Variants in TRIP4 observed in about 807,000 individuals in gnomAD.
TRIP4 encodes the protein activating signal cointegrator 1.
TRIP4 carries 54 observed loss-of-function variants against 81.8 expected under a neutral mutation model. The observed-to-expected ratio is 0.66, with a 90% CI of 0.53 to 0.83. TRIP4 has a LOEUF of 0.83. TRIP4 is among the 40% of genes least tolerant of loss of function. TRIP4 has a pLI of 0.00. For synonymous variants in TRIP4, 270 were observed against 242.8 expected (o/e 1.11, Z -1.04); for missense variants, 662 against 683.6 (o/e 0.97, Z 0.35).
chr15:64,407,162 C>A (rs1294709116), intron 6 of TRIP4, among the ~76,000 whole-genome samples: 1 of 151,970 alleles, frequency 6.6e-6, no homozygotes, highest in Non-Finnish European at 1.5e-5. Flanking sequence ...TCAGAGAGAC[C>A]CTGAATCTCT....
intron 5 of TRIP4, 131 bp downstream of exon 5, chr15:64,400,952 T>TC (rs988455335): frequency 1.4e-6 from 1 of 725,140 alleles, no homozygotes; most frequent in African/African-American, 1.8e-5. Context: ...TTTGGGGGGT[T>TC]TTTTTTGTTT....
At chr15:64,444,315 G>T (rs1892576824) in intron 11 of TRIP4, among the ~76,000 whole-genome samples, 1 of 152,138 alleles carries the variant, frequency 6.6e-6, no homozygotes, top group Non-Finnish European at 1.5e-5. Flanking sequence ...TGATTGTGTA[G>T]CCAGCATAGT....
intron 4 of TRIP4, among the ~76,000 whole-genome samples, chr15:64,398,472 G>T (rs1470754168): frequency 6.6e-6 from 1 of 151,638 alleles, no homozygotes. Context: ...GCTGGGCTGG[G>T]TATGGTGGTG....
chr15:64,402,515 C>G (rs560862302), intron 5 of TRIP4, among the ~76,000 whole-genome samples: 2 of 138,144 alleles, frequency 1.4e-5, no homozygotes, highest in East Asian at 4.4e-4. Flanking sequence ...CCACCGCGCC[C>G]GGCCAACATT....
chr15:64,436,863 C>T (rs1399533942), intron 11 of TRIP4, among the ~76,000 whole-genome samples: 2 of 143,762 alleles, frequency 1.4e-5, no homozygotes, highest in Non-Finnish European at 3.0e-5. Context: ...TGTGTGCCAC[C>T]ACACCCAGCT....
intron 12 of TRIP4, among the ~76,000 whole-genome samples, chr15:64,448,534 A>G (rs1377962162): frequency 6.6e-6 from 1 of 152,094 alleles, no homozygotes; most frequent in Non-Finnish European, 1.5e-5. Flanking sequence ...CACAATCTCA[A>G]TTCACTGCAA....
chr15:64,424,234 T>C, intron 10 of TRIP4, 79 bp downstream of exon 10: 1 of 1,579,640 alleles, frequency 6.3e-7, no homozygotes, highest in Non-Finnish European at 8.6e-7. Flanking sequence ...ACTTCCTTCT[T>C]TCTTTGGCTT....
intron 4 of TRIP4, among the ~76,000 whole-genome samples, chr15:64,400,273 T>C (rs1891463021): frequency 6.7e-6 from 1 of 148,802 alleles, no homozygotes; most frequent in African/African-American, 2.5e-5. Flanking sequence ...CAAAACCCCA[T>C]ATCTACAAAG....
intron 1 of TRIP4, among the ~76,000 whole-genome samples, chr15:64,390,834 G>T (rs1353764213): frequency 2.0e-5 from 3 of 151,800 alleles, no homozygotes; most frequent in Non-Finnish European, 4.4e-5. Context: ...GGCAGAGGTT[G>T]CAGTGAGCCA....
intron 11 of TRIP4, among the ~76,000 whole-genome samples, chr15:64,433,032 C>T (rs1892312766): frequency 6.6e-6 from 1 of 152,084 alleles, no homozygotes; most frequent in African/African-American, 2.4e-5. Flanking sequence ...ATTCTGTCCT[C>T]AGATGTTTGA....
At chr15:64,443,675 G>A (rs1346852508) in intron 11 of TRIP4, among the ~76,000 whole-genome samples, 1 of 152,112 alleles carries the variant, frequency 6.6e-6, no homozygotes, top group Non-Finnish European at 1.5e-5. Flanking sequence ...CTTTTCTACC[G>A]TGAACATTTG....
At chr15:64,408,189 C>T (rs377361592) in intron 6 of TRIP4, among the ~76,000 whole-genome samples, 6 of 148,368 alleles carry the variant, frequency 4.0e-5, no homozygotes, top group South Asian at 2.1e-4. Context: ...CCGCCAGCCT[C>T]GGCCTCCCAA....
intron 11 of TRIP4, among the ~76,000 whole-genome samples, chr15:64,436,763 CTTTTTTTTTT>C (rs71133433): frequency 8.4e-4 from 18 of 21,420 alleles, no homozygotes; most frequent in South Asian, 7.0e-3. Flanking sequence ...CCATCTATGC[CTTTTTTTTTT>C]TTTTTTTTTT....
At chr15:64,391,970 CAA>C (rs35193532) in intron 1 of TRIP4, among the ~76,000 whole-genome samples, 378 of 23,182 alleles carry the variant, frequency 0.016, no homozygotes, top group African/African-American at 0.062. Flanking sequence ...GACTCTGTCT[CAA>C]AAAAAAAAAA....
At chr15:64,422,789 G>A (rs1892048271) in intron 9 of TRIP4, among the ~76,000 whole-genome samples, 1 of 152,182 alleles carries the variant, frequency 6.6e-6, no homozygotes, top group Admixed American at 6.6e-5. Context: ...CAGAAATAAA[G>A]TAGGTGGTTT....
At chr15:64,408,094 C>CA (rs750653412) in intron 6 of TRIP4, among the ~76,000 whole-genome samples, 7,857 of 98,598 alleles carry the variant, frequency 0.08, 465 homozygotes, top group South Asian at 0.32. Context: ...GAGATTGTCT[C>CA]AAAAAAAAAA....
At chr15:64,393,813 G>C in intron 1 of TRIP4, 133 bp from the exon 2 acceptor site, 1 of 745,318 alleles carries the variant, frequency 1.3e-6, no homozygotes, top group Middle Eastern at 3.6e-4. Context: ...CTAGCACCTA[G>C]CATAGTACTT....
At chr15:64,426,975 G>A (rs556093360) in intron 11 of TRIP4, among the ~76,000 whole-genome samples, 1 of 152,174 alleles carries the variant, frequency 6.6e-6, no homozygotes, top group South Asian at 2.1e-4. Context: ...GCTCCAGCCT[G>A]GGCAACAGAG....
At chr15:64,449,586 A>AT (rs61501663) in intron 12 of TRIP4, among the ~76,000 whole-genome samples, 47 of 149,034 alleles carry the variant, frequency 3.2e-4, no homozygotes, top group East Asian at 2.9e-3. Context: ...ATATATATAT[A>AT]AAAAATATAT....
Sources: allele counts gnomAD v4.1 joint callset (sites outside exome capture counted in the v4.1 genomes callset), GRCh38; gene constraint gnomAD v4.1.1; transcripts MANE v1.5; gene names NCBI Gene and HGNC (gene_info 2026-07-23, HGNC 2026-07-21).